RAB11B: variants seen among roughly 807,000 people sequenced by gnomAD.
The protein encoded by RAB11B is RAB11B, member RAS oncogene family, also known as ras-related protein Rab-11B.
A neutral mutation model predicts 23.7 loss-of-function variants in RAB11B; 7 were observed. The ratio of observed to expected loss-of-function variants is 0.29; its 90% confidence interval spans 0.17 to 0.55. The LOEUF (loss-of-function observed/expected upper bound fraction) is 0.55. Ranked by LOEUF, RAB11B falls within the 20% of genes least tolerant of loss-of-function variation. The pLI is 0.93. For synonymous variants in RAB11B, 138 were observed against 132.0 expected, an observed-to-expected ratio of 1.05 and a Z score of -0.31; for missense variants, 189 against 320.0, an observed-to-expected ratio of 0.59 and a Z score of 3.12.
At position 8,390,394 on chromosome 19, in the gene RAB11B, A is replaced by C; in HGVS notation, c.-23A>C. On this transcript the variant is annotated 5_prime_UTR_variant, in exon 1 of 5. Coordinates refer to ENST00000328024, the MANE Select transcript of RAB11B (RefSeq NM_004218.4). ...TTGTGGTGGGGCTGCGGAGTCGCCGATCCCGCCGGAAGCGCCAGGACAATG... is the reference window on the plus strand; with the variant it reads ...TTGTGGTGGGGCTGCGGAGTCGCCGCTCCCGCCGGAAGCGCCAGGACAATG... 1 of 1,528,772 alleles carries C rather than the reference A, an allele frequency of 6.5e-7. No homozygotes were observed. The highest frequency in any genetic ancestry group is 8.8e-7 in the Non-Finnish European group (1 of 1,141,996). 94.7% of individuals were successfully genotyped at this position (1,528,772 alleles called of 1,614,324 possible). A position where few individuals can be genotyped will look rare whatever the true frequency, so the allele number is the denominator to read the frequency against.
intron 3 of RAB11B, 37 bp downstream of exon 3, chr19:8,402,316 T>C: frequency 1.3e-6 from 2 of 1,536,816 alleles, no homozygotes; most frequent in Non-Finnish European, 1.8e-6. Flanking sequence ...GAGAGGTGTC[T>C]GGAAGGCAGG....
In RAB11B at chr19:8,390,364, G is replaced by T. The variant is rs1312535885; in HGVS notation, c.-53G>T. 8 of 1,498,900 alleles carry T rather than the reference G, an allele frequency of 5.3e-6. No individual in the cohort carries two copies. The highest frequency in any genetic ancestry group is 1.3e-5 in the South Asian group (1 of 77,468). The allele number at this position is 1,498,900 out of a possible 1,614,324, so 92.9% of individuals were successfully genotyped here. ...CGCGGCGCCGGCTCCGCCCCCGTCG[G>T]GTGTTTGTGGTGGGGCTGCGGAGTC... On this transcript the variant is annotated 5_prime_UTR_variant, in exon 1 of 5. Coordinates refer to ENST00000328024, the MANE Select transcript of RAB11B (RefSeq NM_004218.4).
chr19:8,401,355 C>G (rs1005661803), intron 2 of RAB11B, among the ~76,000 whole-genome samples: 5 of 151,752 alleles, frequency 3.3e-5, no homozygotes, highest in African/African-American at 1.2e-4. Flanking sequence ...GCTGGGATTA[C>G]AGGCGTGAGC....
At chr19:8,390,931 G>T (rs1368146548) in intron 1 of RAB11B, among the ~76,000 whole-genome samples, 1 of 150,818 alleles carries the variant, frequency 6.6e-6, no homozygotes, top group African/African-American at 2.4e-5. Flanking sequence ...GATTGGGGCA[G>T]CGTGTTTGGG....
rs750629022 is a variant in RAB11B at position 8,402,249 on chromosome 19, G to C, written c.400G>C (p.Val134Leu). Residue 134 changes from valine (V) to leucine (L), a missense_variant, in exon 3 of 5, where the codon GTG (valine) becomes CTG (leucine). Transcript: ENST00000328024. The stretch of plus-strand genomic sequence containing the variant: ...GAGTGACCTGCGCCACCTGCGGGCT[G>C]TGCCCACTGACGAGGCCCGCGCCTT... ...NKSDLRHLRA[V>L]PTDEARAFAE... 4 of 1,564,684 alleles carry C rather than the reference G, an allele frequency of 2.6e-6. No homozygotes were observed. Among genetic ancestry groups the C allele is most frequent in the South Asian group, 2.3e-5 (2 of 85,720 alleles).
chr19:8,398,939 A>G (rs7409109), intron 1 of RAB11B, among the ~76,000 whole-genome samples: 145,612 of 151,482 alleles, frequency 0.96, 70,212 homozygotes, highest in East Asian at 1. Flanking sequence ...CACCACGCCC[A>G]GCTAATTATT....
chr19:8,398,026 C>A (rs941899923), intron 1 of RAB11B, among the ~76,000 whole-genome samples: 7 of 152,180 alleles, frequency 4.6e-5, no homozygotes, highest in Non-Finnish European at 1.0e-4. Flanking sequence ...AGTGCACACA[C>A]ACACACTGAT....
At chr19:8,402,639 T>C (rs1480032882) in intron 4 of RAB11B, 74 bp downstream of exon 4, 2 of 912,524 alleles carry the variant, frequency 2.2e-6, no homozygotes, top group Middle Eastern at 5.0e-4. Context: ...AACCTTCGCT[T>C]GTTTTGTTCG....
intron 1 of RAB11B, 126 bp from the exon 2 acceptor site, chr19:8,399,737 C>G: frequency 9.6e-7 from 1 of 1,040,572 alleles, no homozygotes; most frequent in South Asian, 1.5e-5. Flanking sequence ...GGGCTCCAGG[C>G]ATCTCTCGAC....
chr19:8,397,792 C>G (rs1445521873), intron 1 of RAB11B, among the ~76,000 whole-genome samples: 1 of 152,028 alleles, frequency 6.6e-6, no homozygotes, highest in Non-Finnish European at 1.5e-5. Flanking sequence ...TCTGGGTCAG[C>G]CAGGGCTCAG....
intron 1 of RAB11B, among the ~76,000 whole-genome samples, chr19:8,393,387 C>T (rs954253284): frequency 2.6e-5 from 4 of 152,142 alleles, no homozygotes; most frequent in Non-Finnish European, 2.9e-5. Context: ...GTGGGGGAAA[C>T]GGGCCGCAGC....
At chr19:8,402,301 C>T (rs2145513451) in intron 3 of RAB11B, 22 bp downstream of exon 3, 1 of 1,544,452 alleles carries the variant, frequency 6.5e-7, no homozygotes, top group South Asian at 1.2e-5. Context: ...GAGACGCAGG[C>T]ATCAGAGAGG....
chr19:8,393,684 T>G (rs1971375432), intron 1 of RAB11B, among the ~76,000 whole-genome samples: 1 of 152,138 alleles, frequency 6.6e-6, no homozygotes, highest in Non-Finnish European at 1.5e-5. Context: ...TGGCCCCCAG[T>G]GCCGGTCCCT....
intron 4 of RAB11B, 41 bp from the exon 5 acceptor site, chr19:8,403,372 C>A: frequency 6.3e-7 from 1 of 1,581,136 alleles, no homozygotes; most frequent in Non-Finnish European, 8.6e-7. Flanking sequence ...AGGCAGGGCA[C>A]GTGCTGGCTC....
chr19:8,401,918 G>T (rs1971440705), intron 2 of RAB11B, among the ~76,000 whole-genome samples, 168 bp from the exon 3 acceptor site: 2 of 152,226 alleles, frequency 1.3e-5, no homozygotes, highest in Admixed American at 1.3e-4. Flanking sequence ...GATCCAGGGA[G>T]CAGCGCTGGG....
intron 1 of RAB11B, among the ~76,000 whole-genome samples, chr19:8,393,666 G>A (rs1971375288): frequency 6.6e-6 from 1 of 152,226 alleles, no homozygotes; most frequent in African/African-American, 2.4e-5. Context: ...GAAGAGCTGA[G>A]ACAAGAGTGG....
At chr19:8,401,066 A>C (rs1371044939) in intron 2 of RAB11B, among the ~76,000 whole-genome samples, 2 of 148,440 alleles carry the variant, frequency 1.3e-5, no homozygotes, top group East Asian at 4.0e-4. Flanking sequence ...TAATTTAATT[A>C]ATTAATTTAT....
At chr19:8,395,384 T>C (rs1348276194) in intron 1 of RAB11B, among the ~76,000 whole-genome samples, 3 of 151,816 alleles carry the variant, frequency 2.0e-5, no homozygotes, top group African/African-American at 7.3e-5. Flanking sequence ...AATGATTCTC[T>C]TGCCTCAGCC....
intron 1 of RAB11B, among the ~76,000 whole-genome samples, chr19:8,392,662 ATTTTTCTTTTCC>A (rs1971365490): frequency 3.7e-5 from 3 of 82,152 alleles, no homozygotes; most frequent in African/African-American, 1.4e-4. Flanking sequence ...CTCTTTCAAT[ATTTTTCTTTTCC>A]TTTTTCTTTT....
Sources: allele counts gnomAD v4.1 joint callset (sites outside exome capture counted in the v4.1 genomes callset), GRCh38; gene constraint gnomAD v4.1.1; transcripts MANE v1.5; gene names NCBI Gene and HGNC (gene_info 2026-07-23, HGNC 2026-07-21).